Variants in ARHGAP42 observed in about 807,000 individuals in gnomAD.
ARHGAP42 encodes the protein Rho GTPase activating protein 42.
A neutral mutation model predicts 125.0 loss-of-function variants in ARHGAP42; 63 were observed. The ratio of observed to expected loss-of-function variants is 0.50; its 90% CI spans 0.41 to 0.62. ARHGAP42 has a LOEUF of 0.62. ARHGAP42 is among the 20% of genes least tolerant of loss of function. The probability of loss-of-function intolerance (pLI) is 0.00; values close to 1 mark genes in which losing one functional copy is unlikely to be tolerated. For missense variants in ARHGAP42, 766 were observed against 1,024.2 expected (o/e 0.75, Z 3.44); for synonymous variants, 339 against 351.0 (o/e 0.97, Z 0.38).
intron 1 of ARHGAP42, among the ~76,000 whole-genome samples, chr11:100,725,228 C>G: frequency 6.6e-6 from 1 of 150,842 alleles, no homozygotes; most frequent in Non-Finnish European, 1.5e-5. Context: ...CGGAATGCAG[C>G]GGTGTGATCT....
intron 1 of ARHGAP42, among the ~76,000 whole-genome samples, chr11:100,736,959 A>C (rs1322122974): frequency 6.6e-6 from 1 of 152,196 alleles, no homozygotes; most frequent in African/African-American, 2.4e-5. Context: ...CACTATGCTA[A>C]ATCTAGAATT....
At chr11:100,699,642 C>G (rs1269342055) in intron 1 of ARHGAP42, among the ~76,000 whole-genome samples, 1 of 149,288 alleles carries the variant, frequency 6.7e-6, no homozygotes, top group South Asian at 2.2e-4. Context: ...CCTGCCTCAG[C>G]CTCCCAAGCA....
intron 3 of ARHGAP42, among the ~76,000 whole-genome samples, chr11:100,835,014 A>T (rs1249888479): frequency 1.3e-5 from 2 of 152,124 alleles, no homozygotes; most frequent in Non-Finnish European, 2.9e-5. Flanking sequence ...AAAACACTTC[A>T]TCTGAGTGAA....
At chr11:100,720,462 T>G (rs1170793106) in intron 1 of ARHGAP42, among the ~76,000 whole-genome samples, 1 of 152,218 alleles carries the variant, frequency 6.6e-6, no homozygotes, top group Non-Finnish European at 1.5e-5. Context: ...GTTTCAGTAC[T>G]GTTTATACAA....
intron 1 of ARHGAP42, among the ~76,000 whole-genome samples, chr11:100,755,883 A>G (rs149571197): frequency 9.2e-5 from 14 of 152,302 alleles, no homozygotes; most frequent in African/African-American, 3.4e-4. Flanking sequence ...GAGGCAGTGC[A>G]GTATATGCTG....
In ARHGAP42 at chr11:100,795,089, T is replaced by G. The variant is rs1294849537; in HGVS notation, c.251-16T>G. On this transcript the variant is annotated splice_polypyrimidine_tract_variant and intron_variant, in intron 2 of 23. Coordinates refer to ENST00000298815, the MANE Select transcript of ARHGAP42 (RefSeq NM_152432.4). ...GAAAATATTAATTCTTTGCATTTTT[T>G]TATCTTTCCAAACAGCTCAGTCACT... 8.5e-6 allele frequency: 13 copies of G among 1,528,620 alleles called. No homozygotes were observed. The highest frequency in any genetic ancestry group is 1.1e-5 in the Non-Finnish European group (12 of 1,137,462). The allele number at this position is 1,528,620 out of a possible 1,614,324, so 94.7% of individuals were successfully genotyped here. A position where few individuals can be genotyped will look rare whatever the true frequency, so the allele number is the denominator to read the frequency against.
chr11:100,980,889 A>G (rs1484537663), intron 22 of ARHGAP42, among the ~76,000 whole-genome samples: 1 of 152,010 alleles, frequency 6.6e-6, no homozygotes, highest in Non-Finnish European at 1.5e-5. Flanking sequence ...CTTCTTTAAT[A>G]TGTTTTTGCA....
At chr11:100,987,844 A>AATAAATAAATAG (rs1858724255) in intron 23 of ARHGAP42, among the ~76,000 whole-genome samples, 1 of 146,996 alleles carries the variant, frequency 6.8e-6, no homozygotes, top group Non-Finnish European at 1.5e-5. Context: ...TAAATAAATA[A>AATAAATAAATAG]ATAGGCCAGG....
At chr11:100,713,954 C>T (rs1435117581) in intron 1 of ARHGAP42, among the ~76,000 whole-genome samples, 1 of 151,920 alleles carries the variant, frequency 6.6e-6, no homozygotes, top group Non-Finnish European at 1.5e-5. Flanking sequence ...ATTGTTATGC[C>T]ACAATCATCT....
chr11:100,826,509 GTTC>G (rs1337405233), intron 3 of ARHGAP42, among the ~76,000 whole-genome samples: 2 of 152,070 alleles, frequency 1.3e-5, no homozygotes, highest in Non-Finnish European at 2.9e-5. Context: ...GGTAATTTGT[GTTC>G]TTCTCTCATG....
intron 4 of ARHGAP42, among the ~76,000 whole-genome samples, chr11:100,863,171 A>AT (rs1015089578): frequency 3.3e-5 from 5 of 151,622 alleles, no homozygotes; most frequent in Non-Finnish European, 7.4e-5. Context: ...GAAAGTACTT[A>AT]TTTTTTTTCT....
chr11:100,959,050 T>C (rs1223884703), intron 12 of ARHGAP42, among the ~76,000 whole-genome samples: 1 of 146,782 alleles, frequency 6.8e-6, no homozygotes. Flanking sequence ...TCTCCTCATT[T>C]ATTATTTGAG....
intron 1 of ARHGAP42, among the ~76,000 whole-genome samples, chr11:100,739,857 C>A (rs555912288): frequency 6.6e-6 from 1 of 152,126 alleles, no homozygotes; most frequent in South Asian, 2.1e-4. Flanking sequence ...TCCTGACATA[C>A]CCCACCCCCA....
chr11:100,775,711 G>T (rs1468957547), intron 2 of ARHGAP42, among the ~76,000 whole-genome samples: 2 of 152,192 alleles, frequency 1.3e-5, no homozygotes, highest in Non-Finnish European at 1.5e-5. Flanking sequence ...GATAATAAAA[G>T]ACTTTAAGTC....
chr11:100,705,143 G>T (rs916982951), intron 1 of ARHGAP42, among the ~76,000 whole-genome samples: 2 of 151,816 alleles, frequency 1.3e-5, no homozygotes, highest in African/African-American at 4.8e-5. Context: ...GATATATATT[G>T]GCACAAACTA....
chr11:100,950,069 G>A (rs957452881), intron 12 of ARHGAP42, 113 bp downstream of exon 12: 30 of 485,082 alleles, frequency 6.2e-5, no homozygotes, highest in African/African-American at 5.4e-4. Flanking sequence ...TGATCTCATG[G>A]TACAGCAACT....
chr11:100,717,923 T>TTA (rs58895541), intron 1 of ARHGAP42, among the ~76,000 whole-genome samples: 6 of 140,910 alleles, frequency 4.3e-5, no homozygotes, highest in East Asian at 4.2e-4. Flanking sequence ...GACTCTGCCT[T>TTA]AAAAAAAAAA....
intron 3 of ARHGAP42, among the ~76,000 whole-genome samples, chr11:100,831,516 T>C (rs554728875): frequency 6.6e-6 from 1 of 152,288 alleles, no homozygotes; most frequent in East Asian, 1.9e-4. Context: ...TGAAACACGT[T>C]TATGTTAGTG....
intron 1 of ARHGAP42, among the ~76,000 whole-genome samples, chr11:100,711,267 T>G (rs1861561114): frequency 6.6e-6 from 1 of 152,240 alleles, no homozygotes; most frequent in South Asian, 2.1e-4. Context: ...ATCAATCTTT[T>G]CATCAGCGTT....
Sources: gnomAD v4.1 joint callset for allele counts (sites outside exome capture counted in the v4.1 genomes callset) on GRCh38, gnomAD v4.1.1 for gene constraint, MANE v1.5 for transcripts, NCBI Gene and HGNC (gene_info 2026-07-23, HGNC 2026-07-21) for gene names.